GNAQ: variants seen among roughly 807,000 people sequenced by gnomAD.
The protein encoded by GNAQ is guanine nucleotide-binding protein G(q) subunit alpha.
In GNAQ, 8 loss-of-function variants were observed where a neutral mutation model predicts 43.9. The observed-to-expected ratio is 0.18, with a 90% CI of 0.11 to 0.33. The LOEUF (loss-of-function observed/expected upper bound fraction) is 0.33. GNAQ is among the 10% of genes least tolerant of loss of function. The pLI is 1.00. For synonymous variants in GNAQ, 155 were observed against 170.7 expected (o/e 0.91, Z 0.71); for missense variants, 158 against 450.8 (o/e 0.35, Z 5.88).
chr9:77,852,895 G>C (rs535604642), intron 2 of GNAQ, among the ~76,000 whole-genome samples: 1 of 152,192 alleles, frequency 6.6e-6, no homozygotes, highest in South Asian at 2.1e-4. Context: ...TTTTCCAGCG[G>C]AGAAACAAAC....
At chr9:77,745,064 T>C (rs1564097488) in intron 5 of GNAQ, among the ~76,000 whole-genome samples, 1 of 152,194 alleles carries the variant, frequency 6.6e-6, no homozygotes, top group Non-Finnish European at 1.5e-5. Flanking sequence ...GAGTAAATGA[T>C]AGGCTCTGGA....
In GNAQ at chr9:77,716,694, A is replaced by C. The variant is rs995244739; in HGVS notation, c.*4629T>G. 1 of 232,926 alleles carries C rather than the reference A, an allele frequency of 4.3e-6. No homozygotes were observed. The highest frequency in any genetic ancestry group is 2.2e-5 in the African/African-American group (1 of 45,356). The allele number at this position is 232,926 out of a possible 1,614,324, so 14.4% of individuals were successfully genotyped here. A position where few individuals can be genotyped will look rare whatever the true frequency, so the allele number is the denominator to read the frequency against. ...TCTGTCTACCAAAAGCTTATATAAAAGTCAGAATTTCTTTATCCAAGATCT... is the reference window on the plus strand; with the variant it reads ...TCTGTCTACCAAAAGCTTATATAAACGTCAGAATTTCTTTATCCAAGATCT... On this transcript the variant is annotated 3_prime_UTR_variant, in exon 7 of 7. Coordinates refer to ENST00000286548, the MANE Select transcript of GNAQ (RefSeq NM_002072.5).
In GNAQ at chr9:77,938,211, T is replaced by C. The variant is rs375738402; in HGVS notation, c.137-15866A>G. Among the ~76,000 whole-genome samples, 7 of 152,248 alleles carry C rather than the reference T, an allele frequency of 4.6e-5. No homozygotes were observed. The East Asian group carries it at 1.2e-3, about 25-fold the overall frequency. ...TGTATTGTTATTTAGGTTATTTTTA[T>C]TGTTACTTATTTTTAAGTATTTTGC... is the stretch of plus-strand genomic sequence containing the variant. On this transcript the variant is annotated intron_variant, in intron 1 of 6. Coordinates refer to ENST00000286548, the MANE Select transcript of GNAQ (RefSeq NM_002072.5).
intron 1 of GNAQ, among the ~76,000 whole-genome samples, chr9:77,954,602 A>G (rs1183407434): frequency 1.3e-5 from 2 of 152,212 alleles, no homozygotes; most frequent in African/African-American, 2.4e-5. Context: ...AGCACTCAAC[A>G]AAGCATGCTA....
intron 2 of GNAQ, among the ~76,000 whole-genome samples, chr9:77,871,973 G>A (rs1828046679): frequency 6.6e-6 from 1 of 152,162 alleles, no homozygotes; most frequent in African/African-American, 2.4e-5. Context: ...ATTATCTCAT[G>A]TATATGGAAT....
At chr9:77,951,078 C>T (rs964425733) in intron 1 of GNAQ, among the ~76,000 whole-genome samples, 27 of 147,152 alleles carry the variant, frequency 1.8e-4, no homozygotes, top group African/African-American at 6.3e-4. Flanking sequence ...GAATACTGAA[C>T]GCAGTCAAGT....
At chr9:77,752,843 C>G (rs1285489998) in intron 5 of GNAQ, among the ~76,000 whole-genome samples, 1 of 151,998 alleles carries the variant, frequency 6.6e-6, no homozygotes, top group Non-Finnish European at 1.5e-5. Flanking sequence ...TCCCAGCACT[C>G]TGGGAGGCCA....
intron 2 of GNAQ, among the ~76,000 whole-genome samples, chr9:77,847,967 C>T (rs1045326021): frequency 6.6e-6 from 1 of 152,228 alleles, no homozygotes; most frequent in Admixed American, 6.5e-5. Context: ...ATTTCAGTTT[C>T]TCTCCCTTCA....
intron 2 of GNAQ, among the ~76,000 whole-genome samples, chr9:77,868,343 G>A (rs990952729): frequency 6.6e-6 from 1 of 152,106 alleles, no homozygotes; most frequent in Non-Finnish European, 1.5e-5. Context: ...TGTTGAAACA[G>A]ACCAAACATT....
intron 1 of GNAQ, among the ~76,000 whole-genome samples, chr9:77,954,510 T>C (rs374079226): frequency 6.6e-6 from 1 of 152,212 alleles, no homozygotes; most frequent in East Asian, 1.9e-4. Flanking sequence ...AGTCACGCTG[T>C]TGGGCACACC....
intron 1 of GNAQ, among the ~76,000 whole-genome samples, chr9:77,925,336 A>T (rs1470209995): frequency 6.6e-6 from 1 of 152,162 alleles, no homozygotes; most frequent in African/African-American, 2.4e-5. Context: ...AGTGTTTTCT[A>T]TTCAGTAACT....
At chr9:77,936,846 T>C (rs1266309714) in intron 1 of GNAQ, among the ~76,000 whole-genome samples, 2 of 152,194 alleles carry the variant, frequency 1.3e-5, no homozygotes, top group East Asian at 3.8e-4. Context: ...CCATCAACTT[T>C]TTTTTAGAGC....
intron 5 of GNAQ, among the ~76,000 whole-genome samples, chr9:77,751,151 C>G (rs1825804884): frequency 6.6e-6 from 1 of 152,210 alleles, no homozygotes; most frequent in African/African-American, 2.4e-5. Context: ...TATCAGGCAT[C>G]TGCTTTCAAT....
chr9:77,987,796 T>C (rs2118513232), intron 1 of GNAQ, among the ~76,000 whole-genome samples: 1 of 152,262 alleles, frequency 6.6e-6, no homozygotes, highest in South Asian at 2.1e-4. Flanking sequence ...TTTGGGTGGC[T>C]GAGGCAGGAG....
chr9:77,978,778 G>T (rs1374620204), intron 1 of GNAQ, among the ~76,000 whole-genome samples: 1 of 152,106 alleles, frequency 6.6e-6, no homozygotes, highest in East Asian at 1.9e-4. Context: ...AAAAAAAATG[G>T]GCCAGGTACA....
rs185193963 is a variant in GNAQ, at chr9:77,854,736, G to T, written c.322-38966C>A. Among the ~76,000 whole-genome samples the T allele has an allele frequency of 6.6e-5, 10 of 152,280 alleles. 1 individual carries two copies. The East Asian group carries it at 1.9e-3, about 29-fold the overall frequency. On this transcript the variant is annotated intron_variant, in intron 2 of 6. Transcript: ENST00000286548. ...AAAGTTCAAACTCTGCTGGAGCAGT[G>T]TACCTAATGCAATCTACAGGGACCA...
chr9:77,776,744 A>G (rs1008037510), intron 5 of GNAQ, among the ~76,000 whole-genome samples: 3 of 152,298 alleles, frequency 2.0e-5, no homozygotes, highest in South Asian at 2.1e-4. Flanking sequence ...CAGCTAACAT[A>G]TATCAATAGA....
chr9:77,940,330 A>G (rs934661191), intron 1 of GNAQ, among the ~76,000 whole-genome samples: 1 of 152,232 alleles, frequency 6.6e-6, no homozygotes. Context: ...CTGTAGTCCC[A>G]GCACTTTTAG....
intron 2 of GNAQ, among the ~76,000 whole-genome samples, chr9:77,830,091 T>C (rs141837184): frequency 1.3e-5 from 2 of 152,298 alleles, no homozygotes; most frequent in Non-Finnish European, 2.9e-5. Context: ...TAGCTGGGAC[T>C]ACAAGCATGC....
Sources: gnomAD v4.1 joint callset for allele counts (sites outside exome capture counted in the v4.1 genomes callset) on GRCh38, gnomAD v4.1.1 for gene constraint, MANE v1.5 for transcripts, NCBI Gene and HGNC (gene_info 2026-07-23, HGNC 2026-07-21) for gene names.